The following FGF10 variants were observed in gnomAD, a reference collection of about 807,000 sequenced individuals.
The protein encoded by FGF10 is fibroblast growth factor 10.
A neutral mutation model predicts 19.8 loss-of-function variants in FGF10; 2 were observed. The observed-to-expected ratio is 0.10, with a 90% confidence interval of 0.04 to 0.32. The LOEUF is 0.32. Ranked by LOEUF, FGF10 falls within the 10% of genes least tolerant of loss-of-function variation. The pLI is 1.00. For synonymous variants in FGF10, 112 were observed against 94.0 expected (o/e 1.19, Z -1.10); for missense variants, 191 against 246.3 (o/e 0.78, Z 1.50).
chr5:44,384,673 T>C (rs973743625), intron 1 of FGF10, among the ~76,000 whole-genome samples: 6 of 152,238 alleles, frequency 3.9e-5, no homozygotes, highest in Non-Finnish European at 8.8e-5. Context: ...ATTTACTTTT[T>C]TCAGTATGAG....
At position 44,324,530 on chromosome 5, in the gene FGF10, G is replaced by C. The variant is rs551965050; in HGVS notation, c.326-14000C>G. 5.3e-5 allele frequency among the ~76,000 whole-genome samples: 8 copies of C among 152,158 alleles called. No individual in the cohort carries two copies. In the South Asian group the frequency reaches 1.7e-3, roughly 32 times the overall value. On this transcript the variant is annotated intron_variant, in intron 1 of 2. Transcript: ENST00000264664. ...TCAAAATCTGAAGGCATTCCTTCCA[G>C]AAGAAAGACTCTCTTAATATTATTT...
chr5:44,361,808 A>C (rs572350495), intron 1 of FGF10, among the ~76,000 whole-genome samples: 1 of 151,740 alleles, frequency 6.6e-6, no homozygotes, highest in South Asian at 2.1e-4. Flanking sequence ...CCTATTCAGC[A>C]GTTTTGTAGT....
At chr5:44,327,304 A>G (rs1579907680) in intron 1 of FGF10, among the ~76,000 whole-genome samples, 2 of 152,336 alleles carry the variant, frequency 1.3e-5, no homozygotes, top group East Asian at 3.9e-4. Flanking sequence ...TGCTATAGGA[A>G]GAGAACTAAT....
In FGF10 at chr5:44,301,422, T is replaced by C. The variant is rs949810841; in HGVS notation, c.*3573A>G. On this transcript the variant is annotated 3_prime_UTR_variant, in exon 3 of 3. Transcript: ENST00000264664. Reference sequence around the variant, plus strand: ...TGCTGATCTATGTAAATTGGGTTCATAAACTTGCTTGGGCCCTGGAAGCAA... The same window carrying C: ...TGCTGATCTATGTAAATTGGGTTCACAAACTTGCTTGGGCCCTGGAAGCAA... Among the ~76,000 whole-genome samples the C allele has an allele frequency of 1.3e-5, 2 of 152,170 alleles. No individual in the cohort carries two copies. The highest frequency in any genetic ancestry group is 4.8e-5 in the African/African-American group (2 of 41,464).
chr5:44,361,572 G>T (rs1741483636), intron 1 of FGF10, among the ~76,000 whole-genome samples: 1 of 151,600 alleles, frequency 6.6e-6, no homozygotes, highest in Non-Finnish European at 1.5e-5. Flanking sequence ...TAAGAATTTG[G>T]AAGGGGTCAG....
rs187050229 is a variant in FGF10 at position 44,352,273 on chromosome 5, A to G, written c.325+36085T>C. Among the ~76,000 whole-genome samples, 20 of 151,722 alleles carry G rather than the reference A, an allele frequency of 1.3e-4. No individual in the cohort carries two copies. In the East Asian group the frequency reaches 3.7e-3, roughly 28 times the overall value. On this transcript the variant is annotated intron_variant, in intron 1 of 2. Transcript: ENST00000264664. ...TCTTGTGCTCTGACAGTAGATTTCA[A>G]TGGTTTAGTCAAAGAGTTGCTTGTA... is the stretch of plus-strand genomic sequence containing the variant.
chr5:44,384,646 T>C (rs1326407218), intron 1 of FGF10, among the ~76,000 whole-genome samples: 2 of 152,144 alleles, frequency 1.3e-5, no homozygotes, highest in Admixed American at 1.3e-4. Context: ...CCATGTCTAG[T>C]TGAATGACCT....
Position 44,302,777 on chromosome 5 carries a change from AC to A in FGF10, c.*2217del, listed in dbSNP as rs35204044. On this transcript the variant is annotated 3_prime_UTR_variant, in exon 3 of 3. Coordinates refer to ENST00000264664, the MANE Select transcript of FGF10 (RefSeq NM_004465.2). ...TAGAAGCTGTTTTAGTGTCTTGAGT[AC>A]TATAATGATGACTGTTTACACATAG... Among the ~76,000 whole-genome samples the A allele has an allele frequency of 0.11, 16,226 of 152,222 alleles. 1,174 individuals are homozygous for A. The highest frequency in any genetic ancestry group is 0.16 in the Non-Finnish European group (10,978 of 67,990).
At chr5:44,352,933 T>C (rs1295822546) in intron 1 of FGF10, among the ~76,000 whole-genome samples, 2 of 151,618 alleles carry the variant, frequency 1.3e-5, no homozygotes, top group Non-Finnish European at 3.0e-5. Flanking sequence ...TAATATTATA[T>C]GCTAGGCTTC....
At chr5:44,341,165 A>C (rs1169727767) in intron 1 of FGF10, among the ~76,000 whole-genome samples, 1 of 152,018 alleles carries the variant, frequency 6.6e-6, no homozygotes, top group Admixed American at 6.6e-5. Context: ...TGTTAATCTA[A>C]TAACTATTAT....
At chr5:44,330,763 G>C (rs1740714685) in intron 1 of FGF10, among the ~76,000 whole-genome samples, 1 of 152,058 alleles carries the variant, frequency 6.6e-6, no homozygotes, top group African/African-American at 2.4e-5. Context: ...AGCATACATA[G>C]CTTATGTAAG....
intron 1 of FGF10, among the ~76,000 whole-genome samples, chr5:44,384,691 A>G (rs1470418029): frequency 6.6e-6 from 1 of 152,126 alleles, no homozygotes; most frequent in Non-Finnish European, 1.5e-5. Flanking sequence ...GAGTTTTCAA[A>G]TTTGAAAAAT....
chr5:44,323,935 G>A (rs1740554778), intron 1 of FGF10, among the ~76,000 whole-genome samples: 1 of 152,032 alleles, frequency 6.6e-6, no homozygotes, highest in Non-Finnish European at 1.5e-5. Flanking sequence ...AAATCAACAG[G>A]AAACATTAAG....
At chr5:44,331,659 T>A (rs1297229389) in intron 1 of FGF10, among the ~76,000 whole-genome samples, 1 of 152,110 alleles carries the variant, frequency 6.6e-6, no homozygotes, top group Non-Finnish European at 1.5e-5. Context: ...TGAATGAGAA[T>A]CCATCAGCTC....
At chr5:44,360,895 A>G (rs1004978957) in intron 1 of FGF10, among the ~76,000 whole-genome samples, 2 of 151,784 alleles carry the variant, frequency 1.3e-5, no homozygotes, top group Non-Finnish European at 3.0e-5. Context: ...TTCTGTCCTA[A>G]TGATATTTCA....
At chr5:44,357,271 T>G (rs1741370443) in intron 1 of FGF10, among the ~76,000 whole-genome samples, 1 of 151,588 alleles carries the variant, frequency 6.6e-6, no homozygotes, top group East Asian at 2.0e-4. Flanking sequence ...AGAGGAGGAA[T>G]CTTAAACCCT....
At chr5:44,353,020 C>T (rs949354202) in intron 1 of FGF10, among the ~76,000 whole-genome samples, 19 of 151,668 alleles carry the variant, frequency 1.3e-4, no homozygotes, top group Non-Finnish European at 2.2e-4. Flanking sequence ...TGACACAATG[C>T]CATCTGTAGG....
intron 1 of FGF10, among the ~76,000 whole-genome samples, chr5:44,332,424 C>T (rs1028455644): frequency 3.9e-5 from 6 of 152,120 alleles, no homozygotes; most frequent in Admixed American, 6.6e-5. Flanking sequence ...TTGAATTTCT[C>T]TATGTAACCT....
intron 1 of FGF10, among the ~76,000 whole-genome samples, chr5:44,383,301 G>C (rs557747455): frequency 6.6e-6 from 1 of 152,176 alleles, no homozygotes; most frequent in East Asian, 1.9e-4. Context: ...CTGGAATAAA[G>C]CTTTTCACTC....
Sources: allele counts gnomAD v4.1 joint callset (sites outside exome capture counted in the v4.1 genomes callset), GRCh38; gene constraint gnomAD v4.1.1; transcripts MANE v1.5; gene names NCBI Gene and HGNC (gene_info 2026-07-23, HGNC 2026-07-21).